Variants in TBC1D9B observed in about 807,000 individuals in gnomAD.
TBC1D9B encodes the protein TBC1 domain family, member 9B (with GRAM domain).
Under a neutral mutation model 121.1 loss-of-function variants are expected in TBC1D9B, and 87 were observed. That is an observed-to-expected ratio of 0.72 (90% CI 0.60 to 0.86). TBC1D9B has a LOEUF of 0.86. TBC1D9B is among the 40% of genes least tolerant of loss of function. TBC1D9B has a pLI of 0.00. For missense variants in TBC1D9B, 1,540 were observed against 1,628.6 expected, an observed-to-expected ratio of 0.95 and a Z score of 0.94; for synonymous variants, 668 against 670.1, an observed-to-expected ratio of 1.00 and a Z score of 0.05.
chr5:179,868,460 C>T (rs1052009886), intron 17 of TBC1D9B: 1 of 152,274 alleles, frequency 6.6e-6, no homozygotes, highest in Non-Finnish European at 1.5e-5. Flanking sequence ...AGCCGCTTTC[C>T]TGACTTTGAC....
At position 179,880,882 on chromosome 5, in the gene TBC1D9B, G is replaced by A. The variant is rs111880835; in HGVS notation, c.1255-1093C>T. Among the ~76,000 whole-genome samples the A allele has an allele frequency of 3.2e-3, 488 of 152,284 alleles. 1 individual carries two copies. Among genetic ancestry groups the A allele is most frequent in the Middle Eastern group, 0.01 (3 of 294 alleles). ...TGAATCCAGTGGGCACGGCCCCAGC[G>A]CAGACTGACTGCCTGCCTGGAGATC... On this transcript the variant is annotated intron_variant, in intron 7 of 20. Coordinates refer to ENST00000355235, the MANE Select transcript of TBC1D9B (RefSeq NM_015043.4).
chr5:179,867,423 C>T, intron 18 of TBC1D9B: 3 of 1,549,632 alleles, frequency 1.9e-6, no homozygotes, highest in Non-Finnish European at 2.6e-6. Flanking sequence ...ACAGGGGGCG[C>T]CCCTGCCTTC....
In TBC1D9B at chr5:179,885,849, T is replaced by C. The variant is rs1760669627; in HGVS notation, c.1254+2254A>G. Among the ~76,000 whole-genome samples, 1 of 152,130 alleles carries C rather than the reference T, an allele frequency of 6.6e-6. No individual in the cohort carries two copies. The highest frequency in any genetic ancestry group is 2.1e-4 in the South Asian group (1 of 4,820). On this transcript the variant is annotated intron_variant, in intron 7 of 20. Coordinates refer to ENST00000355235, the MANE Select transcript of TBC1D9B (RefSeq NM_015043.4). This position sits in a 1 kb window ranked among gnomAD's most constrained non-coding sequence, Gnocchi z 4.5. ...GTCATGACTCTTCACTGGCTTCCCC[T>C]CTCACCTGAAGTCAAAGCTGCAGCA...
intron 12 of TBC1D9B, among the ~76,000 whole-genome samples, chr5:179,873,505 T>TG (rs1158932264): frequency 1.3e-5 from 2 of 152,142 alleles, no homozygotes; most frequent in Non-Finnish European, 2.9e-5. Flanking sequence ...TCTTAGTCAG[T>TG]GGGGGGGTCC....
intron 7 of TBC1D9B, among the ~76,000 whole-genome samples, chr5:179,881,945 C>CTTTTTTTTTTTT (rs1561640797): frequency 7.2e-6 from 1 of 139,262 alleles, no homozygotes; most frequent in African/African-American, 3.3e-5. Context: ...ATATACCTTC[C>CTTTTTTTTTTTT]GTTTTTTTTT....
At chr5:179,897,067 C>T (rs1437836656) in intron 3 of TBC1D9B, among the ~76,000 whole-genome samples, 9 of 151,968 alleles carry the variant, frequency 5.9e-5, no homozygotes, top group East Asian at 3.9e-4. Flanking sequence ...CCACCATGCC[C>T]GGCTAATTTT....
Position 179,904,359 on chromosome 5 carries a change from G to T in TBC1D9B, c.229+343C>A, listed in dbSNP as rs1761248869. Among the ~76,000 whole-genome samples, 1 of 151,876 alleles carries T rather than the reference G, an allele frequency of 6.6e-6. No individual in the cohort carries two copies. Among genetic ancestry groups the T allele is most frequent in the African/African-American group, 2.4e-5 (1 of 41,274 alleles). ...CCTGCCTCAGCCTCCCGAGTAGCTGGGACTACAGGCCTCCGCCACCACCCC... is the reference window on the plus strand; with the variant it reads ...CCTGCCTCAGCCTCCCGAGTAGCTGTGACTACAGGCCTCCGCCACCACCCC... On this transcript the variant is annotated intron_variant, in intron 2 of 20. Transcript: ENST00000355235. The surrounding 1 kb of genome is among the most constrained non-coding windows in gnomAD (Gnocchi z 4.2).
chr5:179,879,556 G>C, intron 8 of TBC1D9B, 72 bp downstream of exon 8: 1 of 1,609,736 alleles, frequency 6.2e-7, no homozygotes, highest in Non-Finnish European at 8.5e-7. Context: ...CCCAGGCCCA[G>C]GACTGGCTCC....
intron 7 of TBC1D9B, chr5:179,887,655 G>A (rs1478692568): frequency 5.2e-6 from 1 of 190,690 alleles, no homozygotes; most frequent in South Asian, 9.7e-5. Flanking sequence ...ACGGGGAAGT[G>A]TGAATACAAT....
rs906966583 is a variant in TBC1D9B at position 179,904,476 on chromosome 5, C to T, written c.229+226G>A. 2.0e-4 allele frequency among the ~76,000 whole-genome samples: 30 copies of T among 152,124 alleles called. No homozygotes were observed. Among genetic ancestry groups the T allele is most frequent in the Non-Finnish European group, 4.0e-4 (27 of 68,010 alleles). On this transcript the variant is annotated intron_variant, in intron 2 of 20. Coordinates refer to ENST00000355235, the MANE Select transcript of TBC1D9B (RefSeq NM_015043.4). The surrounding 1 kb of genome is among the most constrained non-coding windows in gnomAD (Gnocchi z 4.2). ...TCCTGACCTCGTGATCAGCCCGCCT[C>T]GGCCTCCCAAAGTGCTGGGATTACA...
intron 10 of TBC1D9B, among the ~76,000 whole-genome samples, 155 bp downstream of exon 10, chr5:179,878,154 G>A (rs1760414864): frequency 6.6e-6 from 1 of 152,252 alleles, no homozygotes; most frequent in African/African-American, 2.4e-5. Flanking sequence ...GATGCGATGA[G>A]CAATTAATAC....
At chr5:179,868,535 T>C (rs752285097) in intron 17 of TBC1D9B, 3 of 152,216 alleles carry the variant, frequency 2.0e-5, no homozygotes, top group Non-Finnish European at 2.9e-5. Flanking sequence ...AGGAGTCCAG[T>C]GAATGGCAGC....
chr5:179,900,598 T>G (rs1257435696), intron 2 of TBC1D9B, among the ~76,000 whole-genome samples: 2 of 152,188 alleles, frequency 1.3e-5, no homozygotes. Flanking sequence ...AACACAGGGT[T>G]AGGTTCCTGG....
In TBC1D9B at chr5:179,870,421, G is replaced by A; in HGVS notation, c.2559C>T (p.Tyr853=). 1 of 1,613,608 alleles carries A rather than the reference G, an allele frequency of 6.2e-7. No homozygotes were observed. The highest frequency in any genetic ancestry group is 8.5e-7 in the Non-Finnish European group (1 of 1,180,022). ...TGGCATCAATCCGGTACTGCTCCAGGTAGGGCAGGCTGGGGTCCCGACGGC... is the reference window on the plus strand; with the variant it reads ...TGGCATCAATCCGGTACTGCTCCAGATAGGGCAGGCTGGGGTCCCGACGGC... ...MAGRRDPSLP[Y]LEQYRIDASQ... The change falls in exon 16 of 21, where the codon TAC becomes TAT. Residue 853 remains tyrosine, a synonymous_variant. Coordinates refer to ENST00000355235, the MANE Select transcript of TBC1D9B (RefSeq NM_015043.4).
intron 3 of TBC1D9B, among the ~76,000 whole-genome samples, chr5:179,896,384 C>T (rs530253737): frequency 6.6e-6 from 1 of 152,344 alleles, no homozygotes; most frequent in East Asian, 1.9e-4. Context: ...AAACATCTCT[C>T]TCCAAAGTGC....
chr5:179,886,069 G>A (rs542562487), intron 7 of TBC1D9B, among the ~76,000 whole-genome samples: 78 of 152,274 alleles, frequency 5.1e-4, no homozygotes, highest in African/African-American at 1.5e-3. Context: ...TGCTTCTTTC[G>A]AGTTTCTCCT....
At chr5:179,867,065 C>T (rs1228950560) in intron 18 of TBC1D9B, 1 of 201,454 alleles carries the variant, frequency 5.0e-6, no homozygotes, top group Non-Finnish European at 1.0e-5. Context: ...TGACGTGGAA[C>T]ATGAAGATTT....
chr5:179,870,528 C>A, intron 15 of TBC1D9B, 33 bp from the exon 16 acceptor site: 1 of 1,582,010 alleles, frequency 6.3e-7, no homozygotes, highest in Non-Finnish European at 8.6e-7. Flanking sequence ...ACGGTCCAGC[C>A]GCTAAGCCTG....
In TBC1D9B at chr5:179,863,760, TTCA is replaced by T. The variant is rs764501359; in HGVS notation, c.3387_3389del (p.Asp1129del). 12 of 1,613,524 alleles carry T rather than the reference TTCA, an allele frequency of 7.4e-6. No homozygotes were observed. Among genetic ancestry groups the T allele is most frequent in the Non-Finnish European group, 9.3e-6 (11 of 1,179,982 alleles). On this transcript the variant is annotated inframe_deletion, in exon 21 of 21. Transcript: ENST00000355235. The surrounding 1 kb of genome is among the most constrained non-coding windows in gnomAD (Gnocchi z 4.5). Reference sequence around the variant, plus strand: ...AGGACATGGACATGTCGTCTTTGGTTTCATCGTCAGACAGCAGCTGGGAGGGTG... The same window carrying T: ...AGGACATGGACATGTCGTCTTTGGTTTCGTCAGACAGCAGCTGGGAGGGTG...
Sources: allele counts gnomAD v4.1 joint callset (sites outside exome capture counted in the v4.1 genomes callset), GRCh38; gene constraint gnomAD v4.1.1; non-coding constraint Gnocchi (gnomAD v3.1); transcripts MANE v1.5; gene names NCBI Gene and HGNC (gene_info 2026-07-23, HGNC 2026-07-21).